The following ZNF676 variants were observed in gnomAD, a reference collection of about 807,000 sequenced individuals.
The protein encoded by ZNF676 is zinc finger protein 676.
A neutral mutation model predicts 6.0 loss-of-function variants in ZNF676; 4 were observed. The ratio of observed to expected loss-of-function variants is 0.67; its 90% confidence interval spans 0.33 to 1.53. ZNF676 has a LOEUF of 1.53. Ranked by LOEUF, ZNF676 falls within the 40% of genes most tolerant of loss-of-function variation. The pLI, the probability that ZNF676 is intolerant of heterozygous loss-of-function variation, is 0.06. For missense variants in ZNF676, 644 were observed against 679.7 expected (o/e 0.95, Z 0.58); for synonymous variants, 198 against 223.1 (o/e 0.89, Z 1.00).
At position 22,215,368 on chromosome 19, in the gene ZNF676, A is replaced by G. The variant is rs558806931; in HGVS notation, c.3+264T>C. On this transcript the variant is annotated intron_variant, in intron 1 of 3. Transcript: ENST00000650058. Reference sequence around the variant, plus strand: ...GACTACCCTCCCACAGTCCGTGCACAATCTGGGAGAGACTCCGCGCTGAGG... The same window carrying G: ...GACTACCCTCCCACAGTCCGTGCACGATCTGGGAGAGACTCCGCGCTGAGG... Among the ~76,000 whole-genome samples the G allele has an allele frequency of 1.2e-4, 19 of 152,302 alleles. No individual in the cohort carries two copies. The East Asian group carries it at 3.7e-3, about 29-fold the overall frequency.
chr19:22,259,165 T>G, the ZNF676 span, among the ~76,000 whole-genome samples: 1 of 152,106 alleles, frequency 6.6e-6, no homozygotes, highest in Non-Finnish European at 1.5e-5. Flanking sequence ...AGGTGCTTGA[T>G]CCAAACATGT....
At chr19:22,210,524 GA>G (rs1201993812) in intron 1 of ZNF676, among the ~76,000 whole-genome samples, 19 of 152,224 alleles carry the variant, frequency 1.2e-4, no homozygotes, top group African/African-American at 3.9e-4. Context: ...TCAAATGGAA[GA>G]AAAGTATAGA....
Position 22,187,219 on chromosome 19 carries a change from C to T in ZNF676, c.131-5633G>A, listed in dbSNP as rs112252305. Reference sequence around the variant, plus strand: ...TTAGAACTCAGGATTGAGAAACTCACGCAAAACCGTACAATTACATGGAAA... The same window carrying T: ...TTAGAACTCAGGATTGAGAAACTCATGCAAAACCGTACAATTACATGGAAA... On this transcript the variant is annotated intron_variant, in intron 2 of 2. Transcript: ENST00000397121. Among the ~76,000 whole-genome samples the T allele has an allele frequency of 5.3e-3, 811 of 152,256 alleles. 2 individuals are homozygous for T. The highest frequency in any genetic ancestry group is 0.014 in the Middle Eastern group (4 of 294).
chr19:22,217,910 G>A (rs1300536083), upstream of ZNF676, among the ~76,000 whole-genome samples: 2 of 151,778 alleles, frequency 1.3e-5, no homozygotes, highest in African/African-American at 4.8e-5. Flanking sequence ...TACCATGTTG[G>A]CCAGGCTAGT....
intron 2 of ZNF676, among the ~76,000 whole-genome samples, chr19:22,192,241 A>G (rs1375302514): frequency 6.6e-6 from 1 of 152,166 alleles, no homozygotes; most frequent in Non-Finnish European, 1.5e-5. Flanking sequence ...AAAATAATAA[A>G]TATCTGAGAA....
At chr19:22,222,560 C>A in the ZNF676 span, among the ~76,000 whole-genome samples, 1 of 152,222 alleles carries the variant, frequency 6.6e-6, no homozygotes, top group Non-Finnish European at 1.5e-5. Flanking sequence ...AAAGTAGAAG[C>A]ATTGACAATG....
At chr19:22,253,124 A>C in the ZNF676 span, among the ~76,000 whole-genome samples, 10 of 152,056 alleles carry the variant, frequency 6.6e-5, no homozygotes, top group Non-Finnish European at 1.5e-4. Context: ...TCTTGGTCTT[A>C]GTGTCACCAA....
the ZNF676 span, among the ~76,000 whole-genome samples, chr19:22,234,128 T>C: frequency 5.0e-4 from 76 of 152,342 alleles, no homozygotes; most frequent in African/African-American, 1.8e-3. Context: ...TTCTGCCCAC[T>C]GGGAAGACTT....
chr19:22,198,731 A>C (rs1326555795), upstream of ZNF676, among the ~76,000 whole-genome samples: 1 of 152,186 alleles, frequency 6.6e-6, no homozygotes, highest in African/African-American at 2.4e-5. Flanking sequence ...TGAAGAAACA[A>C]TGAGTAGCTC....
chr19:22,239,710 C>T, the ZNF676 span, among the ~76,000 whole-genome samples: 1 of 152,156 alleles, frequency 6.6e-6, no homozygotes, highest in Non-Finnish European at 1.5e-5. Context: ...GCAGGAGAGT[C>T]ACAACATTTG....
chr19:22,181,273 T>C lies in ZNF676; in HGVS notation c.444A>G (p.Arg148=). The change falls in exon 3 of 3, where the codon AGA becomes AGG. Residue 148 remains arginine (R), a synonymous_variant. Coordinates refer to ENST00000397121, the MANE Select transcript of ZNF676 (RefSeq NM_001001411.3). ...ATAGGTGTGAAAGCATGCAAAATGA[T>C]CTGACATATTCTTTACATTTCAAAC... The part of the protein sequence containing the change: ...EKGLKCKEYV[R]SFCMLSHLSQ... The C allele has an allele frequency of 6.2e-7, 1 of 1,613,790 alleles. No individual in the cohort carries two copies. The highest frequency in any genetic ancestry group is 8.5e-7 in the Non-Finnish European group (1 of 1,179,812).
chr19:22,200,868 T>A (rs2024018792), upstream of ZNF676, among the ~76,000 whole-genome samples: 2 of 152,038 alleles, frequency 1.3e-5, no homozygotes, highest in African/African-American at 2.4e-5. Flanking sequence ...TATTTTTTTT[T>A]ATGACTATAT....
At chr19:22,230,349 C>T in the ZNF676 span, among the ~76,000 whole-genome samples, 6,337 of 151,904 alleles carry the variant, frequency 0.042, 435 homozygotes, top group African/African-American at 0.14. Context: ...GACCTGTCAG[C>T]GGGTGGGGGG....
chr19:22,242,923 T>A, the ZNF676 span, among the ~76,000 whole-genome samples: 1 of 151,890 alleles, frequency 6.6e-6, no homozygotes, highest in Non-Finnish European at 1.5e-5. Context: ...CACTGTGTAC[T>A]GGTCCCAGAA....
the ZNF676 span, among the ~76,000 whole-genome samples, chr19:22,258,698 G>A: frequency 6.6e-6 from 1 of 151,922 alleles, no homozygotes; most frequent in African/African-American, 2.4e-5. Context: ...CACATAACCT[G>A]GATGTTGGGT....
upstream of ZNF676, among the ~76,000 whole-genome samples, chr19:22,199,985 T>C (rs187764828): frequency 1.3e-5 from 2 of 152,236 alleles, no homozygotes; most frequent in East Asian, 3.9e-4. Flanking sequence ...TTCTAATCAG[T>C]TCTTTGAGGC....
chr19:22,226,784 A>G, the ZNF676 span, among the ~76,000 whole-genome samples: 1 of 152,020 alleles, frequency 6.6e-6, no homozygotes, highest in Non-Finnish European at 1.5e-5. Context: ...TTTTTAGTAG[A>G]GACGAGGTTT....
At chr19:22,205,492 A>C (rs1284421079) in intron 1 of ZNF676, among the ~76,000 whole-genome samples, 1 of 152,204 alleles carries the variant, frequency 6.6e-6, no homozygotes, top group Non-Finnish European at 1.5e-5. Flanking sequence ...ACACAATTCA[A>C]TACCAATAAA....
At chr19:22,212,632 G>A (rs2024140894) in intron 1 of ZNF676, among the ~76,000 whole-genome samples, 1 of 151,906 alleles carries the variant, frequency 6.6e-6, no homozygotes, top group South Asian at 2.1e-4. Context: ...TTGAACTTGG[G>A]ATGCAGAGGT....
Sources: gnomAD v4.1 joint callset for allele counts (sites outside exome capture counted in the v4.1 genomes callset) on GRCh38, gnomAD v4.1.1 for gene constraint, MANE v1.5 for transcripts, NCBI Gene and HGNC (gene_info 2026-07-23, HGNC 2026-07-21) for gene names.